The following AFG2A variants were observed in gnomAD, a reference collection of about 807,000 sequenced individuals.
AFG2A encodes the protein AAA ATPase AFG2A.
At chr4:122,991,900 T>G in the AFG2A span, among the ~76,000 whole-genome samples, 1 of 152,312 alleles carries the variant, frequency 6.6e-6, no homozygotes, top group South Asian at 2.1e-4. Context: ...AAACCTTGGC[T>G]GATTATTATG....
the AFG2A span, among the ~76,000 whole-genome samples, chr4:123,121,064 C>T: frequency 2.6e-5 from 4 of 151,990 alleles, no homozygotes; most frequent in Admixed American, 1.3e-4. Flanking sequence ...TCCTGACCTA[C>T]GGGCCTAGGC....
At chr4:123,162,106 T>C in the AFG2A span, among the ~76,000 whole-genome samples, 1 of 152,232 alleles carries the variant, frequency 6.6e-6, no homozygotes, top group African/African-American at 2.4e-5. Flanking sequence ...ACAACATCCT[T>C]ATTCTGTTAC....
chr4:123,203,862 A>T, the AFG2A span, among the ~76,000 whole-genome samples: 1 of 152,244 alleles, frequency 6.6e-6, no homozygotes, highest in Non-Finnish European at 1.5e-5. Flanking sequence ...ACAGTTGTAT[A>T]GCTTAACAAT....
chr4:123,183,933 TATTC>T, the AFG2A span, among the ~76,000 whole-genome samples: 6,032 of 137,348 alleles, frequency 0.044, 167 homozygotes, highest in Non-Finnish European at 0.063. Flanking sequence ...CTTGCTTATT[TATTC>T]ATTCATTCAT....
the AFG2A span, chr4:123,255,924 C>G: frequency 2.1e-6 from 3 of 1,435,630 alleles, no homozygotes; most frequent in African/African-American, 1.4e-5. Context: ...GTGGATTGTT[C>G]GTGAAATTCC....
the AFG2A span, among the ~76,000 whole-genome samples, chr4:123,128,418 C>G: frequency 2.6e-5 from 4 of 152,044 alleles, no homozygotes; most frequent in Non-Finnish European, 5.9e-5. Flanking sequence ...TTTTCTGATA[C>G]TTGAGTCAGG....
At chr4:122,938,842 G>A in the AFG2A span, among the ~76,000 whole-genome samples, 13 of 151,844 alleles carry the variant, frequency 8.6e-5, no homozygotes, top group Admixed American at 1.3e-4. Flanking sequence ...TCATCTACCC[G>A]CCTTGGCCTT....
chr4:123,167,591 C>T, the AFG2A span, among the ~76,000 whole-genome samples: 1 of 152,200 alleles, frequency 6.6e-6, no homozygotes, highest in Admixed American at 6.5e-5. Context: ...TCGTGATCCA[C>T]CCACCTCGGC....
At chr4:123,142,672 C>A in the AFG2A span, among the ~76,000 whole-genome samples, 6 of 152,180 alleles carry the variant, frequency 3.9e-5, no homozygotes, top group African/African-American at 1.4e-4. Context: ...TCTTTAGATG[C>A]TCTCTCAGGG....
the AFG2A span, among the ~76,000 whole-genome samples, chr4:123,189,809 CTTTTTTTTTTT>C: frequency 1.5e-3 from 91 of 61,776 alleles, 2 homozygotes; most frequent in African/African-American, 5.5e-3. Context: ...AGGTCATTTG[CTTTTTTTTTTT>C]TTTTTTTTTT....
chr4:123,213,119 GT>G, the AFG2A span, among the ~76,000 whole-genome samples: 5 of 152,018 alleles, frequency 3.3e-5, no homozygotes, highest in Non-Finnish European at 7.4e-5. Flanking sequence ...CAAATAAGTA[GT>G]TTTATTTTCA....
the AFG2A span, among the ~76,000 whole-genome samples, chr4:122,949,691 A>T: frequency 6.6e-6 from 1 of 152,224 alleles, no homozygotes; most frequent in African/African-American, 2.4e-5. Context: ...CCCTGGCAGC[A>T]GCCTGATGCC....
chr4:123,008,903 G>T, the AFG2A span, among the ~76,000 whole-genome samples: 3 of 152,098 alleles, frequency 2.0e-5, no homozygotes, highest in Non-Finnish European at 4.4e-5. Flanking sequence ...GATGGAGAGT[G>T]GGGGGAGGTG....
At chr4:122,950,975 C>G in the AFG2A span, among the ~76,000 whole-genome samples, 1 of 152,168 alleles carries the variant, frequency 6.6e-6, no homozygotes, top group Non-Finnish European at 1.5e-5. Context: ...GGTAAGTTGT[C>G]CCCTATGTCC....
the AFG2A span, among the ~76,000 whole-genome samples, chr4:123,016,649 G>C: frequency 6.6e-6 from 1 of 151,380 alleles, no homozygotes; most frequent in South Asian, 2.1e-4. Context: ...TGGGTAGCCA[G>C]GCAGAGGGGC....
chr4:123,012,511 G>T, the AFG2A span, among the ~76,000 whole-genome samples: 1 of 152,170 alleles, frequency 6.6e-6, no homozygotes, highest in Non-Finnish European at 1.5e-5. Context: ...GTGGGTGAAT[G>T]ACCAAGGCAG....
chr4:123,006,022 A>G, the AFG2A span, among the ~76,000 whole-genome samples: 3 of 150,340 alleles, frequency 2.0e-5, no homozygotes, highest in Admixed American at 1.3e-4. Context: ...TCAAGTTTCT[A>G]TCTGGTATCA....
the AFG2A span, among the ~76,000 whole-genome samples, chr4:122,967,409 A>T: frequency 6.6e-6 from 1 of 152,080 alleles, no homozygotes; most frequent in Non-Finnish European, 1.5e-5. Context: ...TTAAAAAAAA[A>T]ATCAGAGTAA....
chr4:123,238,391 C>T, the AFG2A span, among the ~76,000 whole-genome samples: 3 of 152,344 alleles, frequency 2.0e-5, no homozygotes, highest in East Asian at 5.8e-4. Context: ...GTCCCTGACC[C>T]CCATGTAGCC....
Sources: allele counts gnomAD v4.1 joint callset (sites outside exome capture counted in the v4.1 genomes callset), GRCh38; gene constraint gnomAD v4.1.1; transcripts MANE v1.5; gene names NCBI Gene and HGNC (gene_info 2026-07-23, HGNC 2026-07-21).